Variants in LRSAM1 observed in about 807,000 individuals in gnomAD.
The protein encoded by LRSAM1 is leucine rich repeat and sterile alpha motif containing 1.
In LRSAM1, 96 loss-of-function variants were observed where a neutral mutation model predicts 118.1. That is an observed-to-expected ratio of 0.81 (90% CI 0.69 to 0.96). The LOEUF (loss-of-function observed/expected upper bound fraction) is 0.96. LRSAM1 is among the 40% of genes least tolerant of loss of function. The pLI is 0.00. For missense variants in LRSAM1, 804 were observed against 915.5 expected (o/e 0.88, Z 1.57); for synonymous variants, 322 against 364.2 (o/e 0.88, Z 1.32).
At chr9:127,484,825 T>G (rs1271032441) in intron 16 of LRSAM1, among the ~76,000 whole-genome samples, 1 of 150,646 alleles carries the variant, frequency 6.6e-6, no homozygotes, top group East Asian at 1.9e-4. Context: ...TTTTTTTTTT[T>G]TGAGATAGGG....
intron 13 of LRSAM1, among the ~76,000 whole-genome samples, 163 bp downstream of exon 13, chr9:127,479,668 G>A (rs2132063202): frequency 6.6e-6 from 1 of 152,314 alleles, no homozygotes; most frequent in Non-Finnish European, 1.5e-5. Flanking sequence ...ACCCAGCCCA[G>A]CCTCCCCGTG....
Position 127,496,011 on chromosome 9 carries a change from G to A in LRSAM1, c.1746G>A (p.Ser582=), listed in dbSNP as rs199997686. 9.3e-5 allele frequency: 150 copies of A among 1,612,644 alleles called. No individual in the cohort carries two copies. The highest frequency in any genetic ancestry group is 1.6e-4 in the East Asian group (7 of 44,888). The change falls in exon 23 of 26, where the codon TCG becomes TCA. Residue 582 remains serine (S), a synonymous_variant. Coordinates refer to ENST00000300417, the MANE Select transcript of LRSAM1 (RefSeq NM_001005373.4). The stretch of plus-strand genomic sequence containing the variant: ...TGGTGGCCCTCCTGGAGGAGCTGTC[G>A]GCTGAGCACTACCTGCCCATCTTTG... ...RQLVALLEEL[S]AEHYLPIFAH...
chr9:127,499,536 AAATATAT>A (rs926986292), intron 24 of LRSAM1, among the ~76,000 whole-genome samples: 20 of 107,668 alleles, frequency 1.9e-4, no homozygotes, highest in Non-Finnish European at 3.2e-4. Flanking sequence ...GTCTAAAAAA[AAATATAT>A]ATATATATAT....
intron 10 of LRSAM1, among the ~76,000 whole-genome samples, chr9:127,471,552 C>T (rs1473129361): frequency 1.4e-5 from 2 of 147,512 alleles, no homozygotes; most frequent in African/African-American, 2.5e-5. Flanking sequence ...TTTAGGAGGT[C>T]GAGGTGGGTG....
intron 24 of LRSAM1, among the ~76,000 whole-genome samples, chr9:127,497,868 C>A (rs1564284228): frequency 6.6e-6 from 1 of 152,248 alleles, no homozygotes; most frequent in Admixed American, 6.5e-5. Flanking sequence ...TGTGCATGAA[C>A]CACGTTGAGG....
intron 18 of LRSAM1, among the ~76,000 whole-genome samples, chr9:127,488,599 CT>C (rs111724344): frequency 0.43 from 61,894 of 143,286 alleles, 13,700 homozygotes; most frequent in Non-Finnish European, 0.5. Context: ...CTTTTCTTTT[CT>C]TTTTTTTTTT....
intron 11 of LRSAM1, among the ~76,000 whole-genome samples, chr9:127,476,293 C>T (rs181335095): frequency 1.6e-4 from 24 of 152,282 alleles, no homozygotes; most frequent in Admixed American, 1.6e-3. Context: ...GATTGCAGAA[C>T]AGGATGGGCT....
At position 127,451,526 on chromosome 9, in the gene LRSAM1, T is replaced by C. The variant is rs1306315843; in HGVS notation, c.-332T>C. 2.0e-5 allele frequency: 12 copies of C among 608,516 alleles called. No individual in the cohort carries two copies. The East Asian group carries it at 3.4e-4, about 17-fold the overall frequency. The allele number at this position is 608,516 out of a possible 1,614,324, so 37.7% of individuals were successfully genotyped here. A position where few individuals can be genotyped will look rare whatever the true frequency, so the allele number is the denominator to read the frequency against. ...GCCATGTTTGTTGTGGGCAGGCGCC[T>C]GAGGCTGACGGCTGGCAAGCAGGGC... On this transcript the variant is annotated 5_prime_UTR_variant, in exon 1 of 26. Coordinates refer to ENST00000300417, the MANE Select transcript of LRSAM1 (RefSeq NM_001005373.4).
chr9:127,495,447 AG>A (rs1836093430), intron 22 of LRSAM1, 29 bp downstream of exon 22: 1 of 1,603,278 alleles, frequency 6.2e-7, no homozygotes. Context: ...TGTCCCGGCC[AG>A]GGAGCCCTGG....
In LRSAM1 at chr9:127,501,087, C is replaced by A. The variant is rs148846371; in HGVS notation, c.1990C>A (p.Pro664Thr). The A allele has an allele frequency of 6.2e-7, 1 of 1,613,938 alleles. No homozygotes were observed. The highest frequency in any genetic ancestry group is 8.5e-7 in the Non-Finnish European group (1 of 1,180,016). ...TCCTGAGTCTGTGAGGCCATCCGCT[C>A]CCCCTGCAGAGCTGGAGGTGCAGGC... ...EPPESVRPSA[P>T]PAELEVQASE... is the part of the protein sequence containing the mutation. Residue 664 changes from proline (P) to threonine (T), a missense_variant, in exon 25 of 26, where the codon CCC becomes ACC. Coordinates refer to ENST00000300417, the MANE Select transcript of LRSAM1 (RefSeq NM_001005373.4).
chr9:127,460,772 C>T (rs1193757236), intron 7 of LRSAM1, among the ~76,000 whole-genome samples: 2 of 150,928 alleles, frequency 1.3e-5, no homozygotes, highest in South Asian at 2.1e-4. Flanking sequence ...TGCCCTGGCC[C>T]GGCAGGGCGA....
At chr9:127,484,081 G>A (rs1588124942) in intron 16 of LRSAM1, among the ~76,000 whole-genome samples, 1 of 150,806 alleles carries the variant, frequency 6.6e-6, no homozygotes, top group African/African-American at 2.4e-5. Flanking sequence ...CTAACTCCCC[G>A]TGCCCCCCTC....
intron 17 of LRSAM1, chr9:127,487,403 G>A (rs1835772438): frequency 4.9e-6 from 2 of 405,428 alleles, no homozygotes; most frequent in Admixed American, 3.5e-5. Flanking sequence ...CACTTCCGGG[G>A]GGTGCTGGGG....
intron 9 of LRSAM1, 125 bp downstream of exon 9, chr9:127,462,498 T>C (rs1834786295): frequency 1.3e-6 from 2 of 1,482,746 alleles, no homozygotes; most frequent in Admixed American, 1.7e-5. Context: ...CAAGGCATGG[T>C]CCTTGGAGGC....
rs995186593 is a variant in LRSAM1, at chr9:127,465,922, G to A, written c.529-1818G>A. Among the ~76,000 whole-genome samples the A allele has an allele frequency of 6.6e-6, 1 of 152,178 alleles. No homozygotes were observed. Among genetic ancestry groups the A allele is most frequent in the African/African-American group, 2.4e-5 (1 of 41,440 alleles). On this transcript the variant is annotated intron_variant, in intron 9 of 25. Transcript: ENST00000300417. The surrounding 1 kb of genome is among the most constrained non-coding windows in gnomAD (Gnocchi z 4.1). ...CCTGCTTCCTGGGCTTCATAAACACGGAGGCATCTGCATGTGTGCGCTGAT... is the reference window on the plus strand; with the variant it reads ...CCTGCTTCCTGGGCTTCATAAACACAGAGGCATCTGCATGTGTGCGCTGAT...
Position 127,502,945 on chromosome 9 carries a change from C to A in LRSAM1, c.*46C>A. On this transcript the variant is annotated 3_prime_UTR_variant, in exon 26 of 26. Coordinates refer to ENST00000300417, the MANE Select transcript of LRSAM1 (RefSeq NM_001005373.4). Reference sequence around the variant, plus strand: ...CCTGGTCCTAGCCCTGCCTCGGCCACTGTGAGCCCCGGGCTCCTGCTCAGC... The same window carrying A: ...CCTGGTCCTAGCCCTGCCTCGGCCAATGTGAGCCCCGGGCTCCTGCTCAGC... The A allele has an allele frequency of 6.4e-7, 1 of 1,557,900 alleles. No homozygotes were observed. The highest frequency in any genetic ancestry group is 8.7e-7 in the Non-Finnish European group (1 of 1,152,434).
chr9:127,457,772 A>G (rs546830328), intron 6 of LRSAM1, among the ~76,000 whole-genome samples: 2 of 152,304 alleles, frequency 1.3e-5, no homozygotes, highest in East Asian at 3.9e-4. Flanking sequence ...GCTGGGAGGC[A>G]TTCACAACAT....
At chr9:127,468,757 C>G (rs1244330212) in intron 10 of LRSAM1, among the ~76,000 whole-genome samples, 1 of 139,152 alleles carries the variant, frequency 7.2e-6, no homozygotes, top group Non-Finnish European at 1.5e-5. Context: ...AGGAGGATCT[C>G]GAGCCCAGGA....
At chr9:127,495,015 G>A (rs967369084) in intron 21 of LRSAM1, among the ~76,000 whole-genome samples, 3 of 152,142 alleles carry the variant, frequency 2.0e-5, no homozygotes, top group African/African-American at 4.8e-5. Context: ...GCAGTGGCGC[G>A]ATCTCAGCTC....
Sources: allele counts gnomAD v4.1 joint callset (sites outside exome capture counted in the v4.1 genomes callset), GRCh38; gene constraint gnomAD v4.1.1; non-coding constraint Gnocchi (gnomAD v3.1); transcripts MANE v1.5; gene names NCBI Gene and HGNC (gene_info 2026-07-23, HGNC 2026-07-21).